Variants in SLC31A2 observed in about 807,000 individuals in gnomAD.
SLC31A2 encodes protein SLC31A2.
SLC31A2 carries 16 observed loss-of-function variants against 14.4 expected under a neutral mutation model. That is an observed-to-expected ratio of 1.11 (90% CI 0.75 to 1.69). The LOEUF is 1.69. Ranked by LOEUF, SLC31A2 falls within the 40% of genes most tolerant of loss-of-function variation. The pLI is 0.00. For missense variants in SLC31A2, 140 were observed against 173.9 expected (o/e 0.81, Z 1.10); for synonymous variants, 56 against 68.7 (o/e 0.82, Z 0.91).
chr9:113,151,125 G>C lies in SLC31A2; in HGVS notation c.6+45G>C, dbSNP rs1829857693. The C allele has an allele frequency of 3.9e-6, 5 of 1,289,508 alleles. No individual in the cohort carries two copies. In the East Asian group the frequency reaches 1.5e-4, roughly 37 times the overall value. The allele number at this position is 1,289,508 out of a possible 1,614,324, so 79.9% of individuals were successfully genotyped here. On this transcript the variant is annotated intron_variant, in intron 1 of 3. Coordinates refer to ENST00000259392, the MANE Select transcript of SLC31A2 (RefSeq NM_001860.3). This position sits in a 1 kb window ranked among gnomAD's most constrained non-coding sequence, Gnocchi z 4.2. ...GTGAAGAGGGTGGGCGGTTGGGGCG[G>C]GGTCTCCTGGAGCTGCCATCTCGGC...
intron 2 of SLC31A2, 168 bp from the exon 3 acceptor site, chr9:113,161,341 G>A (rs768462922): frequency 1.5e-6 from 1 of 655,338 alleles, no homozygotes; most frequent in Non-Finnish European, 2.6e-6. Context: ...CCACACTCCA[G>A]CTAAGAAAAG....
At chr9:113,157,986 T>C (rs1017439526) in intron 2 of SLC31A2, 193 bp downstream of exon 2, 8 of 674,392 alleles carry the variant, frequency 1.2e-5, no homozygotes, top group Non-Finnish European at 2.0e-5. Flanking sequence ...GGCTCCATTA[T>C]CTTACTGATC....
rs982771736 is a variant in SLC31A2, at chr9:113,161,733, C to T, written c.263+35C>T. Reference sequence around the variant, plus strand: ...GTGGGTATGGGAAAGGGGCAGAAGCCTCACATTCACCCTGAGAGACAGGCT... The same window carrying T: ...GTGGGTATGGGAAAGGGGCAGAAGCTTCACATTCACCCTGAGAGACAGGCT... On this transcript the variant is annotated intron_variant, in intron 3 of 3. Coordinates refer to ENST00000259392, the MANE Select transcript of SLC31A2 (RefSeq NM_001860.3). 5.6e-6 allele frequency: 9 copies of T among 1,604,368 alleles called. No individual in the cohort carries two copies. The African/African-American group carries it at 1.2e-4, about 21-fold the overall frequency.
intron 2 of SLC31A2, chr9:113,158,037 G>T: frequency 1.7e-6 from 1 of 588,782 alleles, no homozygotes; most frequent in Non-Finnish European, 3.3e-6. Context: ...TTTTCCCTCT[G>T]TTACAGGGCA....
At chr9:113,152,887 C>T (rs1829885665) in intron 1 of SLC31A2, among the ~76,000 whole-genome samples, 1 of 152,242 alleles carries the variant, frequency 6.6e-6, no homozygotes, top group Non-Finnish European at 1.5e-5. Flanking sequence ...TATGGCAACT[C>T]CCTGACTGAT....
intron 2 of SLC31A2, among the ~76,000 whole-genome samples, chr9:113,160,156 T>G (rs1829989316): frequency 6.6e-6 from 1 of 151,868 alleles, no homozygotes. Flanking sequence ...GAGCCAAGAT[T>G]GCGCCACTGC....
At chr9:113,154,629 C>G (rs1354159374) in intron 1 of SLC31A2, among the ~76,000 whole-genome samples, 1 of 152,238 alleles carries the variant, frequency 6.6e-6, no homozygotes, top group East Asian at 1.9e-4. Context: ...TCCCTCTACA[C>G]TAAGCCGCTT....
At chr9:113,159,791 A>G (rs1829984110) in intron 2 of SLC31A2, among the ~76,000 whole-genome samples, 1 of 152,234 alleles carries the variant, frequency 6.6e-6, no homozygotes, top group South Asian at 2.1e-4. Context: ...ACTTCTGGCC[A>G]ACTGGCTATA....
Position 113,151,524 on chromosome 9 carries a change from C to T in SLC31A2, c.6+444C>T. On this transcript the variant is annotated intron_variant, in intron 1 of 3. Transcript: ENST00000259392. This position sits in a 1 kb window ranked among gnomAD's most constrained non-coding sequence, Gnocchi z 4.2. ...CCCGCGCGCACACCGAGCGCACATC[C>T]CCGGCCCTGCTCTTGTCAAGTTTGT... The T allele has an allele frequency of 5.9e-6, 1 of 170,860 alleles. No individual in the cohort carries two copies. Among genetic ancestry groups the T allele is most frequent in the Non-Finnish European group, 1.2e-5 (1 of 80,762 alleles). 10.6% of individuals were successfully genotyped at this position (170,860 alleles called of 1,614,324 possible).
chr9:113,162,975 C>T lies in SLC31A2; in HGVS notation c.*58C>T, dbSNP rs1830041041. On this transcript the variant is annotated 3_prime_UTR_variant, in exon 4 of 4. Transcript: ENST00000259392. ...GGGACATGGAGCCCCCTCTTCCAGA[C>T]ACTATACTTCCAACTGCCCTTTCTT... 37 of 1,420,520 alleles carry T rather than the reference C, an allele frequency of 2.6e-5. No homozygotes were observed. The highest frequency in any genetic ancestry group is 5.3e-4 in the Middle Eastern group (2 of 3,790). 88.0% of individuals were successfully genotyped at this position (1,420,520 alleles called of 1,614,324 possible).
In SLC31A2 at chr9:113,161,906, C is replaced by A. The variant is rs902634457; in HGVS notation, c.263+208C>A. The A allele has an allele frequency of 2.1e-5, 14 of 675,106 alleles. No homozygotes were observed. The African/African-American group carries it at 2.5e-4, about 12-fold the overall frequency. The allele number at this position is 675,106 out of a possible 1,614,324, so 41.8% of individuals were successfully genotyped here. ...CCAAAGCACTCTGTGAACAGCCAGC[C>A]ACTTGAGAGGCTCAGAAGGCTTTCT... On this transcript the variant is annotated intron_variant, in intron 3 of 3. Coordinates refer to ENST00000259392, the MANE Select transcript of SLC31A2 (RefSeq NM_001860.3).
At chr9:113,160,761 GC>G (rs1257807284) in intron 2 of SLC31A2, among the ~76,000 whole-genome samples, 1 of 152,132 alleles carries the variant, frequency 6.6e-6, no homozygotes, top group African/African-American at 2.4e-5. Context: ...CTGGCAACCA[GC>G]CCCCATCCAG....
chr9:113,163,582 C>T lies in SLC31A2; in HGVS notation c.*665C>T, dbSNP rs774792184. ...TGATGGATGGCAGAAACTGCTGAGA[C>T]CTATTTCCCTTTCTTGGGGAGAGAA... On this transcript the variant is annotated 3_prime_UTR_variant, in exon 4 of 4. Transcript: ENST00000259392. 6.6e-6 allele frequency: 1 copy of T among 152,552 alleles called. No individual in the cohort carries two copies. Among genetic ancestry groups the T allele is most frequent in the Non-Finnish European group, 1.5e-5 (1 of 68,030 alleles). The allele number at this position is 152,552 out of a possible 1,614,324, so 9.4% of individuals were successfully genotyped here. A position where few individuals can be genotyped will look rare whatever the true frequency, so the allele number is the denominator to read the frequency against.
rs372157339 is a variant in SLC31A2 at position 113,163,863 on chromosome 9, G to T, written c.*946G>T. 2 of 152,490 alleles carry T rather than the reference G, an allele frequency of 1.3e-5. No homozygotes were observed. Among genetic ancestry groups the T allele is most frequent in the South Asian group, 4.2e-4 (2 of 4,814 alleles). 9.4% of individuals were successfully genotyped at this position (152,490 alleles called of 1,614,324 possible). A position where few individuals can be genotyped will look rare whatever the true frequency, so the allele number is the denominator to read the frequency against. On this transcript the variant is annotated 3_prime_UTR_variant, in exon 4 of 4. Transcript: ENST00000259392. The stretch of plus-strand genomic sequence containing the variant: ...TCTATTTATTACTTACTGCTTACTC[G>T]TAATGATCTAGTGGGGAAACATGAT...
chr9:113,158,773 T>G (rs1437534311), intron 2 of SLC31A2, among the ~76,000 whole-genome samples: 1 of 152,182 alleles, frequency 6.6e-6, no homozygotes, highest in Non-Finnish European at 1.5e-5. Context: ...ATAAAATTAC[T>G]TCTACCTTTA....
intron 1 of SLC31A2, 144 bp from the exon 2 acceptor site, chr9:113,157,583 T>C (rs1321089099): frequency 2.2e-5 from 14 of 650,590 alleles, no homozygotes; most frequent in Non-Finnish European, 3.6e-5. Flanking sequence ...ATGGCCTCAG[T>C]TGGCCCTGAT....
In SLC31A2 at chr9:113,162,877, T is replaced by C; in HGVS notation, c.392T>C (p.Val131Ala). The change falls in exon 4 of 4, where the codon GTG (valine) becomes GCG (alanine). Residue 131 changes from valine (V) to alanine (A), a missense_variant. By Grantham distance (64) the Val-to-Ala change is moderately conservative. Transcript: ENST00000259392. ...IFLGVVLGSA[V>A]GYYLAYPLLS... The stretch of plus-strand genomic sequence containing the variant: ...CTTGGTGTGGTCTTGGGCTCTGCTG[T>C]GGGCTACTACCTAGCTTACCCACTT... 1 of 1,613,208 alleles carries C rather than the reference T, an allele frequency of 6.2e-7. No individual in the cohort carries two copies. The highest frequency in any genetic ancestry group is 8.5e-7 in the Non-Finnish European group (1 of 1,179,756).
chr9:113,154,342 C>T (rs913026565), intron 1 of SLC31A2, among the ~76,000 whole-genome samples: 8 of 152,206 alleles, frequency 5.3e-5, no homozygotes, highest in African/African-American at 1.9e-4. Context: ...TTCTGCGTGT[C>T]AGCAGCTCAA....
intron 3 of SLC31A2, 26 bp downstream of exon 3, chr9:113,161,724 G>A (rs776567846): frequency 1.2e-6 from 2 of 1,611,102 alleles, no homozygotes; most frequent in Admixed American, 1.7e-5. Flanking sequence ...ATGGGAAAGG[G>A]GCAGAAGCCT....
Sources: allele counts gnomAD v4.1 joint callset (sites outside exome capture counted in the v4.1 genomes callset), GRCh38; gene constraint gnomAD v4.1.1; non-coding constraint Gnocchi (gnomAD v3.1); transcripts MANE v1.5; gene names NCBI Gene and HGNC (gene_info 2026-07-23, HGNC 2026-07-21).